Variants in SNX24 observed in about 807,000 individuals in gnomAD.
SNX24 encodes the protein sorting nexin 24, also known as sorting nexin-24.
Under a neutral mutation model 28.7 loss-of-function variants are expected in SNX24, and 22 were observed. The ratio of observed to expected loss-of-function variants is 0.77; its 90% CI spans 0.55 to 1.10. The LOEUF is 1.10. Ranked by LOEUF, SNX24 falls within the 50% of genes least tolerant of loss-of-function variation. The probability of loss-of-function intolerance (pLI) is 0.00; values close to 1 mark genes in which losing one functional copy is unlikely to be tolerated. For missense variants in SNX24, 221 were observed against 201.1 expected (o/e 1.10, Z -0.60); for synonymous variants, 69 against 71.5 (o/e 0.96, Z 0.18).
chr5:122,898,059 T>G (rs183885316), intron 1 of SNX24, among the ~76,000 whole-genome samples: 26 of 152,292 alleles, frequency 1.7e-4, no homozygotes, highest in Admixed American at 2.6e-4. Context: ...GGAAAACTGT[T>G]TGTGTGCATG....
chr5:122,979,074 G>A (rs578232006), intron 3 of SNX24, among the ~76,000 whole-genome samples: 66 of 152,064 alleles, frequency 4.3e-4, no homozygotes, highest in Non-Finnish European at 7.2e-4. Context: ...AAAGAGCTAC[G>A]TCTACCACTC....
intron 3 of SNX24, among the ~76,000 whole-genome samples, chr5:122,982,299 T>G (rs3776181): frequency 6.6e-6 from 1 of 152,098 alleles, no homozygotes; most frequent in Non-Finnish European, 1.5e-5. Context: ...TTTTGAGCAG[T>G]TCTTTGAACA....
chr5:122,864,159 G>C (rs1334317676), intron 1 of SNX24, among the ~76,000 whole-genome samples: 1 of 49,678 alleles, frequency 2.0e-5, no homozygotes, highest in African/African-American at 2.5e-4. Flanking sequence ...GCTGCAGTTA[G>C]GAAGCTCAGG....
chr5:122,870,580 C>T (rs944523642), intron 1 of SNX24, among the ~76,000 whole-genome samples: 2 of 152,074 alleles, frequency 1.3e-5, no homozygotes, highest in Non-Finnish European at 2.9e-5. Flanking sequence ...AAGAGAGAAA[C>T]GGAAGTGGAG....
intron 2 of SNX24, 60 bp from the exon 3 acceptor site, chr5:122,945,995 A>G: frequency 1.1e-6 from 1 of 873,358 alleles, no homozygotes; most frequent in South Asian, 1.9e-5. Context: ...TAATATCACT[A>G]TAATTAACAG....
intron 5 of SNX24, chr5:123,028,655 G>A (rs1439097169): frequency 2.3e-5 from 17 of 728,384 alleles, no homozygotes; most frequent in Non-Finnish European, 3.6e-5. Context: ...TCTCAAAGAG[G>A]TACAGTCGTC....
intron 6 of SNX24, among the ~76,000 whole-genome samples, chr5:123,006,872 T>A (rs78891869): frequency 6.6e-6 from 1 of 152,062 alleles, no homozygotes; most frequent in Non-Finnish European, 1.5e-5. Flanking sequence ...TAGATGCATA[T>A]TTTTTTTCTT....
chr5:123,004,376 A>G (rs1264836812), intron 6 of SNX24, among the ~76,000 whole-genome samples: 1 of 152,080 alleles, frequency 6.6e-6, no homozygotes, highest in Admixed American at 6.5e-5. Context: ...TTCAGTCCTC[A>G]TCTTCCTTGG....
At chr5:122,968,507 C>T (rs1307005144) in intron 3 of SNX24, among the ~76,000 whole-genome samples, 1 of 152,184 alleles carries the variant, frequency 6.6e-6, no homozygotes, top group African/African-American at 2.4e-5. Flanking sequence ...AGGGCAATTT[C>T]CTGACCAAAT....
At chr5:122,976,989 T>G (rs2150153045) in intron 3 of SNX24, among the ~76,000 whole-genome samples, 1 of 152,278 alleles carries the variant, frequency 6.6e-6, no homozygotes, top group Non-Finnish European at 1.5e-5. Context: ...TTTTTTTTTC[T>G]TATCCACATT....
At chr5:122,945,151 T>G (rs1759628263) in intron 2 of SNX24, among the ~76,000 whole-genome samples, 1 of 152,200 alleles carries the variant, frequency 6.6e-6, no homozygotes, top group African/African-American at 2.4e-5. Context: ...GAGGTCACCT[T>G]GGCTCGTGGC....
intron 3 of SNX24, among the ~76,000 whole-genome samples, chr5:122,985,615 A>G (rs1247273240): frequency 6.6e-6 from 1 of 152,188 alleles, no homozygotes. Flanking sequence ...TTCCTCAGCA[A>G]ATCCCTTGCT....
At chr5:122,855,215 G>T (rs1755128409) in intron 1 of SNX24, among the ~76,000 whole-genome samples, 1 of 152,048 alleles carries the variant, frequency 6.6e-6, no homozygotes, top group Non-Finnish European at 1.5e-5. Context: ...GGGACTACAG[G>T]TGCAGGCCAC....
chr5:122,962,274 T>C (rs1183433789), intron 3 of SNX24, among the ~76,000 whole-genome samples: 3 of 152,232 alleles, frequency 2.0e-5, no homozygotes, highest in African/African-American at 4.8e-5. Context: ...TTTCTTTTCA[T>C]ATTTTTAAGG....
intron 1 of SNX24, among the ~76,000 whole-genome samples, chr5:122,922,839 T>C (rs1234910009): frequency 6.6e-6 from 1 of 152,022 alleles, no homozygotes; most frequent in Admixed American, 6.5e-5. Flanking sequence ...GGAATGTAAT[T>C]TCATGAGGAC....
At chr5:123,012,683 A>C (rs1419952115), downstream of SNX24, among the ~76,000 whole-genome samples, 3 of 152,248 alleles carry the variant, frequency 2.0e-5, no homozygotes, top group African/African-American at 7.2e-5. Context: ...CAATAAAAAC[A>C]ATAAAGGCTT....
chr5:122,856,893 C>T (rs765843770), intron 1 of SNX24, among the ~76,000 whole-genome samples: 1 of 152,174 alleles, frequency 6.6e-6, no homozygotes, highest in Non-Finnish European at 1.5e-5. Context: ...TTCGGTGCTG[C>T]AGTCTATTTC....
Position 122,855,130 on chromosome 5 carries a change from G to C in SNX24, c.60+9437G>C, listed in dbSNP as rs145661573. On this transcript the variant is annotated intron_variant, in intron 1 of 6. Coordinates refer to ENST00000261369, the MANE Select transcript of SNX24 (RefSeq NM_014035.4). Reference sequence around the variant, plus strand: ...TCTGTTGCTCAGGCTGGAGTGCAGTGGTGCAATCTTGGCTCACCACAACCT... The same window carrying C: ...TCTGTTGCTCAGGCTGGAGTGCAGTCGTGCAATCTTGGCTCACCACAACCT... 1.4e-3 allele frequency among the ~76,000 whole-genome samples: 220 copies of C among 151,816 alleles called. 2 individuals carry two copies. The highest frequency in any genetic ancestry group is 5.2e-3 in the African/African-American group (217 of 41,384).
chr5:122,893,432 T>C (rs1028114597), intron 1 of SNX24, among the ~76,000 whole-genome samples: 6 of 152,186 alleles, frequency 3.9e-5, no homozygotes, highest in Admixed American at 2.6e-4. Flanking sequence ...GCGTGGTAGG[T>C]GTGCTATGGT....
Sources: allele counts gnomAD v4.1 joint callset (sites outside exome capture counted in the v4.1 genomes callset), GRCh38; gene constraint gnomAD v4.1.1; transcripts MANE v1.5; gene names NCBI Gene and HGNC (gene_info 2026-07-23, HGNC 2026-07-21).